The following RABGAP1L variants were observed in gnomAD, a reference collection of about 807,000 sequenced individuals.
RABGAP1L encodes RAB GTPase activating protein 1 like, also known as rab GTPase-activating protein 1-like.
Under a neutral mutation model 137.7 loss-of-function variants are expected in RABGAP1L, and 63 were observed. The observed-to-expected ratio is 0.46, with a 90% CI of 0.37 to 0.56. RABGAP1L has a LOEUF of 0.56. RABGAP1L is among the 20% of genes least tolerant of loss of function. The pLI, the probability that RABGAP1L is intolerant of heterozygous loss-of-function variation, is 0.00. For synonymous variants in RABGAP1L, 431 were observed against 433.7 expected (o/e 0.99, Z 0.08); for missense variants, 1,095 against 1,244.0 (o/e 0.88, Z 1.80).
At chr1:174,481,566 T>G (rs979898426) in intron 13 of RABGAP1L, among the ~76,000 whole-genome samples, 1 of 152,318 alleles carries the variant, frequency 6.6e-6, no homozygotes, top group East Asian at 1.9e-4. Flanking sequence ...TAATTTTTAC[T>G]TGGAGCACTT....
intron 18 of RABGAP1L, among the ~76,000 whole-genome samples, chr1:174,780,576 AT>A (rs1305446940): frequency 6.6e-6 from 1 of 151,944 alleles, no homozygotes; most frequent in Non-Finnish European, 1.5e-5. Context: ...ATATATATAT[AT>A]TTTTATTATA....
intron 13 of RABGAP1L, among the ~76,000 whole-genome samples, chr1:174,607,288 A>C (rs371779039): frequency 6.6e-6 from 1 of 152,296 alleles, no homozygotes; most frequent in African/African-American, 2.4e-5. Context: ...TTCATGAAAT[A>C]TTATCATGCC....
At chr1:174,936,169 G>GA (rs1664762914) in intron 19 of RABGAP1L, among the ~76,000 whole-genome samples, 1 of 152,064 alleles carries the variant, frequency 6.6e-6, no homozygotes, top group Admixed American at 6.6e-5. Flanking sequence ...ATTTACCAAG[G>GA]AAAGAGCAGC....
intron 12 of RABGAP1L, among the ~76,000 whole-genome samples, chr1:174,389,679 A>G (rs981843217): frequency 6.6e-6 from 1 of 152,120 alleles, no homozygotes; most frequent in Non-Finnish European, 1.5e-5. Context: ...TGACATATTA[A>G]TTTCATTTCA....
In RABGAP1L at chr1:174,992,641, A is replaced by G. The variant is rs1480845179; in HGVS notation, c.*2640A>G. ...CTGCAATGCCTTTGAGTCAGTAGCA[A>G]TAGTAAAGACTAGAAACAAAGAAAA... On this transcript the variant is annotated 3_prime_UTR_variant, in exon 26 of 26. Coordinates refer to ENST00000681986, the MANE Select transcript of RABGAP1L (RefSeq NM_001366446.1). 1 of 152,116 alleles carries G rather than the reference A, an allele frequency of 6.6e-6. No individual in the cohort carries two copies. Among genetic ancestry groups the G allele is most frequent in the African/African-American group, 2.4e-5 (1 of 41,420 alleles). The allele number at this position is 152,116 out of a possible 1,614,324, so 9.4% of individuals were successfully genotyped here.
intron 1 of RABGAP1L, among the ~76,000 whole-genome samples, chr1:174,217,699 G>A (rs1444709407): frequency 6.6e-6 from 1 of 152,100 alleles, no homozygotes; most frequent in Non-Finnish European, 1.5e-5. Context: ...TAAAAAGGAA[G>A]GGTGTTAACA....
At position 174,195,766 on chromosome 1, in the gene RABGAP1L, T is replaced by TC. The variant is rs199729411; in HGVS notation, c.-33-23358dup. 4.9e-3 allele frequency among the ~76,000 whole-genome samples: 682 copies of TC among 138,132 alleles called. 7 individuals are homozygous for TC. Among genetic ancestry groups the TC allele is most frequent in the African/African-American group, 0.017 (600 of 35,838 alleles). 90.6% of individuals were successfully genotyped at this position (138,132 alleles called of 152,430 possible). ...TTCTTTCTTTCTCTCTTTCTCTCTT[T>TC]CTCTCTTTCCTTTCTTTCTTTTCTT... On this transcript the variant is annotated intron_variant, in intron 1 of 25. Transcript: ENST00000681986.
At chr1:174,385,898 T>A (rs1686724297) in intron 12 of RABGAP1L, among the ~76,000 whole-genome samples, 1 of 152,210 alleles carries the variant, frequency 6.6e-6, no homozygotes, top group African/African-American at 2.4e-5. Flanking sequence ...AAAAATAGTT[T>A]TGCTATAAAA....
At chr1:174,522,946 A>G (rs913380635) in intron 13 of RABGAP1L, among the ~76,000 whole-genome samples, 1 of 152,210 alleles carries the variant, frequency 6.6e-6, no homozygotes, top group African/African-American at 2.4e-5. Context: ...ACTGAGGATT[A>G]CTTTTCAACA....
intron 13 of RABGAP1L, among the ~76,000 whole-genome samples, chr1:174,610,109 G>A (rs1271834402): frequency 6.6e-6 from 1 of 150,410 alleles, no homozygotes; most frequent in South Asian, 2.1e-4. Context: ...CAATGTGCAG[G>A]TTAGTTACAT....
chr1:174,311,882 C>T (rs1201440253), intron 11 of RABGAP1L, among the ~76,000 whole-genome samples: 2 of 152,222 alleles, frequency 1.3e-5, no homozygotes, highest in Admixed American at 6.5e-5. Context: ...GCTGGGATTA[C>T]AGGCATGAGC....
intron 13 of RABGAP1L, among the ~76,000 whole-genome samples, chr1:174,585,242 G>T (rs570564728): frequency 6.6e-6 from 1 of 152,006 alleles, no homozygotes; most frequent in Non-Finnish European, 1.5e-5. Flanking sequence ...CTTTTTGACA[G>T]TATTGATTCT....
chr1:174,728,594 CTTTTTTTTTTT>C (rs1294397296), intron 17 of RABGAP1L, among the ~76,000 whole-genome samples: 1 of 114,646 alleles, frequency 8.7e-6, no homozygotes, highest in South Asian at 2.8e-4. Context: ...CTACCAGTGT[CTTTTTTTTTTT>C]TTTTTTTTTT....
At position 174,494,781 on chromosome 1, in the gene RABGAP1L, G is replaced by A. The variant is rs576261343; in HGVS notation, c.1710+100636G>A. Among the ~76,000 whole-genome samples the A allele has an allele frequency of 3.3e-5, 5 of 152,212 alleles. No homozygotes were observed. In the East Asian group the frequency reaches 9.7e-4, roughly 29 times the overall value. ...TACCCTGGAACCTAGGTTACTAGGGGCTGCAGGAAGTACCTGGTGCAGGGA... is the reference window on the plus strand; with the variant it reads ...TACCCTGGAACCTAGGTTACTAGGGACTGCAGGAAGTACCTGGTGCAGGGA... On this transcript the variant is annotated intron_variant, in intron 13 of 25. Coordinates refer to ENST00000681986, the MANE Select transcript of RABGAP1L (RefSeq NM_001366446.1).
chr1:174,629,374 A>G (rs1315948334), intron 13 of RABGAP1L, among the ~76,000 whole-genome samples: 1 of 152,160 alleles, frequency 6.6e-6, no homozygotes, highest in Admixed American at 6.5e-5. Flanking sequence ...CTTATATGAG[A>G]TGGATCAGTG....
Position 174,435,829 on chromosome 1 carries a change from C to T in RABGAP1L, c.1710+41684C>T, listed in dbSNP as rs184227471. Among the ~76,000 whole-genome samples, 33 of 145,074 alleles carry T rather than the reference C, an allele frequency of 2.3e-4. 2 individuals carry two copies. Among genetic ancestry groups the T allele is most frequent in the South Asian group, 4.3e-4 (2 of 4,618 alleles). On this transcript the variant is annotated intron_variant, in intron 13 of 25. Coordinates refer to ENST00000681986, the MANE Select transcript of RABGAP1L (RefSeq NM_001366446.1). Reference sequence around the variant, plus strand: ...TCTCCCCCGACACCACAACCGTCCCCGGTGTGTGATGTTCCCCTTCCTGTG... The same window carrying T: ...TCTCCCCCGACACCACAACCGTCCCTGGTGTGTGATGTTCCCCTTCCTGTG...
rs990591081 is a variant in RABGAP1L at position 174,976,456 on chromosome 1, C to G, written c.2649+274C>G. Among the ~76,000 whole-genome samples the G allele has an allele frequency of 2.0e-5, 3 of 152,062 alleles. No individual in the cohort carries two copies. In the South Asian group the frequency reaches 6.2e-4, roughly 32 times the overall value. On this transcript the variant is annotated intron_variant, in intron 22 of 25. Transcript: ENST00000681986. ...ATTTAGCAAGAGTGTTGAGTTTTCT[C>G]TAAGTTTAGTAACTTGGAATTATGA...
rs146728034 is a variant in RABGAP1L at position 174,408,588 on chromosome 1, G to A, written c.1710+14443G>A. 4.5e-3 allele frequency among the ~76,000 whole-genome samples: 678 copies of A among 152,262 alleles called. 1 individual carries two copies. The highest frequency in any genetic ancestry group is 7.0e-3 in the Non-Finnish European group (477 of 68,010). On this transcript the variant is annotated intron_variant, in intron 13 of 25. Coordinates refer to ENST00000681986, the MANE Select transcript of RABGAP1L (RefSeq NM_001366446.1). ...CTTTTGGATATATACCCAATAGTAGGATTGCTGGGTTGAACTGGGTAGAAT... is the reference window on the plus strand; with the variant it reads ...CTTTTGGATATATACCCAATAGTAGAATTGCTGGGTTGAACTGGGTAGAAT...
intron 13 of RABGAP1L, among the ~76,000 whole-genome samples, chr1:174,525,812 T>G (rs1018958324): frequency 3.3e-5 from 5 of 152,206 alleles, no homozygotes; most frequent in African/African-American, 7.2e-5. Flanking sequence ...ATTCCTTCTA[T>G]GCCTAGTTTG....
Sources: allele counts gnomAD v4.1 joint callset (sites outside exome capture counted in the v4.1 genomes callset), GRCh38; gene constraint gnomAD v4.1.1; transcripts MANE v1.5; gene names NCBI Gene and HGNC (gene_info 2026-07-23, HGNC 2026-07-21).